CNTNAP2: variants seen among roughly 807,000 people sequenced by gnomAD.
CNTNAP2 encodes the protein contactin associated protein 2.
Under a neutral mutation model 155.2 loss-of-function variants are expected in CNTNAP2, and 98 were observed. The observed-to-expected ratio is 0.63, with a 90% confidence interval of 0.54 to 0.75. CNTNAP2 has a LOEUF of 0.75. Among genes scored for constraint, CNTNAP2 ranks in the 30% least tolerant of loss-of-function variants. The pLI, the probability that CNTNAP2 is intolerant of heterozygous loss-of-function variation, is 0.00. For missense variants in CNTNAP2, 1,727 were observed against 1,688.1 expected (o/e 1.02, Z -0.40); for synonymous variants, 651 against 631.2 (o/e 1.03, Z -0.47).
At chr7:147,786,165 C>T (rs1192048244) in intron 13 of CNTNAP2, among the ~76,000 whole-genome samples, 1 of 151,778 alleles carries the variant, frequency 6.6e-6, no homozygotes, top group South Asian at 2.1e-4. Flanking sequence ...CCCAGCTACT[C>T]GGGAGGCTGA....
intron 3 of CNTNAP2, among the ~76,000 whole-genome samples, chr7:146,945,879 C>G (rs928337343): frequency 1.3e-5 from 2 of 152,136 alleles, no homozygotes; most frequent in Non-Finnish European, 2.9e-5. Flanking sequence ...TTCTTTGTCT[C>G]TTTATATTTG....
chr7:147,110,368 T>A (rs1417245992), intron 5 of CNTNAP2, among the ~76,000 whole-genome samples: 2 of 152,026 alleles, frequency 1.3e-5, no homozygotes, highest in Admixed American at 1.3e-4. Flanking sequence ...CTTTTTCTTT[T>A]TTTTTTTTAA....
intron 15 of CNTNAP2, among the ~76,000 whole-genome samples, chr7:148,037,642 A>G (rs1019792159): frequency 4.2e-5 from 6 of 141,916 alleles, no homozygotes; most frequent in Non-Finnish European, 9.3e-5. Context: ...GCTTGAAAAT[A>G]TACAGTATTT....
intron 1 of CNTNAP2, among the ~76,000 whole-genome samples, chr7:146,525,554 A>ATCTATCTATCTATCTATCTATCTATCTC (rs1797676730): frequency 6.8e-6 from 1 of 146,908 alleles, no homozygotes. Flanking sequence ...CTATCTATCT[A>ATCTATCTATCTATCTATCTATCTATCTC]TCTATCTATC....
intron 13 of CNTNAP2, among the ~76,000 whole-genome samples, chr7:147,721,351 T>A (rs1796563662): frequency 1.3e-5 from 2 of 152,094 alleles, no homozygotes; most frequent in South Asian, 4.1e-4. Context: ...ATGTTATGGG[T>A]TTGCAGTTTT....
chr7:146,943,108 A>G (rs906692057), intron 3 of CNTNAP2, among the ~76,000 whole-genome samples: 5 of 152,232 alleles, frequency 3.3e-5, no homozygotes, highest in Non-Finnish European at 5.9e-5. Context: ...GACTCCTAAA[A>G]AACATTATAG....
intron 22 of CNTNAP2, among the ~76,000 whole-genome samples, chr7:148,401,605 T>C (rs192296477): frequency 1.4e-3 from 197 of 138,648 alleles, no homozygotes; most frequent in Non-Finnish European, 2.5e-3. Context: ...TTTTCTTTTT[T>C]CTTTTTTTTT....
chr7:147,979,240 T>C (rs906797256), intron 15 of CNTNAP2, among the ~76,000 whole-genome samples: 2 of 152,220 alleles, frequency 1.3e-5, no homozygotes, highest in African/African-American at 4.8e-5. Context: ...AAGATCTTTA[T>C]CACGCACTTA....
chr7:147,435,444 C>T (rs756806638), intron 10 of CNTNAP2, among the ~76,000 whole-genome samples: 1 of 152,172 alleles, frequency 6.6e-6, no homozygotes, highest in Non-Finnish European at 1.5e-5. Context: ...ACTGACCACA[C>T]TTGGAGAATC....
intron 3 of CNTNAP2, among the ~76,000 whole-genome samples, chr7:146,908,899 C>A (rs1271153724): frequency 2.0e-5 from 3 of 148,196 alleles, no homozygotes; most frequent in African/African-American, 7.5e-5. Context: ...AATTGATAGA[C>A]CACTAGCAAG....
chr7:146,854,015 G>T (rs1794930407), intron 3 of CNTNAP2, among the ~76,000 whole-genome samples: 1 of 152,210 alleles, frequency 6.6e-6, no homozygotes, highest in Non-Finnish European at 1.5e-5. Flanking sequence ...GAAAAGCCTA[G>T]GATTTCTATA....
chr7:147,094,845 A>T (rs961605523), intron 4 of CNTNAP2, among the ~76,000 whole-genome samples: 1 of 152,106 alleles, frequency 6.6e-6, no homozygotes, highest in Non-Finnish European at 1.5e-5. Context: ...AGAATAATAT[A>T]AACTAGATAG....
At chr7:147,463,485 A>G (rs1798060594) in intron 10 of CNTNAP2, among the ~76,000 whole-genome samples, 1 of 152,180 alleles carries the variant, frequency 6.6e-6, no homozygotes, top group South Asian at 2.1e-4. Context: ...CCAGAAATTT[A>G]GAATCTAATT....
At chr7:146,946,095 T>TTTCCTTCTTTCCTTCCTTCC (rs1427268777) in intron 3 of CNTNAP2, among the ~76,000 whole-genome samples, 2 of 147,160 alleles carry the variant, frequency 1.4e-5, no homozygotes, top group Admixed American at 6.7e-5. Context: ...CCTTCCTTCC[T>TTTCCTTCTTTCCTTCCTTCC]TTCCTTCTTT....
chr7:147,923,338 G>A (rs1471308090), intron 14 of CNTNAP2, among the ~76,000 whole-genome samples: 1 of 152,120 alleles, frequency 6.6e-6, no homozygotes, highest in Non-Finnish European at 1.5e-5. Flanking sequence ...CACACATGGA[G>A]AGGAGAATGC....
At position 146,687,918 on chromosome 7, in the gene CNTNAP2, C is replaced by T. The variant is rs141052200; in HGVS notation, c.98-86353C>T. On this transcript the variant is annotated intron_variant, in intron 1 of 23. Transcript: ENST00000361727. The stretch of plus-strand genomic sequence containing the variant: ...GTGTATGTGCATGTGTGTGTGAGTT[C>T]AAGTGGTTTTACATTACTAATGAAA... 7.2e-4 allele frequency among the ~76,000 whole-genome samples: 110 copies of T among 152,200 alleles called. 1 individual carries two copies. The highest frequency in any genetic ancestry group is 3.4e-3 in the Middle Eastern group (1 of 294).
At chr7:147,645,762 A>C (rs1395766512) in intron 13 of CNTNAP2, among the ~76,000 whole-genome samples, 1 of 152,206 alleles carries the variant, frequency 6.6e-6, no homozygotes, top group African/African-American at 2.4e-5. Context: ...GGAAAGATTC[A>C]TATGAGTTAA....
chr7:148,266,874 G>A (rs1796679897), intron 20 of CNTNAP2, among the ~76,000 whole-genome samples, 159 bp from the exon 21 acceptor site: 1 of 152,116 alleles, frequency 6.6e-6, no homozygotes, highest in Non-Finnish European at 1.5e-5. Context: ...GAAGACATGG[G>A]TTTCCATTTT....
At chr7:148,329,972 C>A (rs1797956873) in intron 21 of CNTNAP2, among the ~76,000 whole-genome samples, 1 of 152,218 alleles carries the variant, frequency 6.6e-6, no homozygotes, top group Admixed American at 6.5e-5. Flanking sequence ...AGGCCCCCAC[C>A]CTCCCCAGCC....
Sources: allele counts gnomAD v4.1 joint callset (sites outside exome capture counted in the v4.1 genomes callset), GRCh38; gene constraint gnomAD v4.1.1; transcripts MANE v1.5; gene names NCBI Gene and HGNC (gene_info 2026-07-23, HGNC 2026-07-21).